ITGA11: variants seen among roughly 807,000 people sequenced by gnomAD.
ITGA11 encodes integrin alpha-11.
In ITGA11, 97 loss-of-function variants were observed where a neutral mutation model predicts 141.9. The observed-to-expected ratio is 0.68, with a 90% CI of 0.58 to 0.81. The LOEUF (loss-of-function observed/expected upper bound fraction) is 0.81, where lower values mean the gene tolerates loss of function less well. ITGA11 is among the 30% of genes least tolerant of loss of function. ITGA11 has a pLI of 0.00. For synonymous variants in ITGA11, 658 were observed against 624.6 expected (o/e 1.05, Z -0.80); for missense variants, 1,387 against 1,559.2 (o/e 0.89, Z 1.86).
intron 10 of ITGA11, among the ~76,000 whole-genome samples, chr15:68,343,520 C>T (rs774029337): frequency 1.4e-4 from 22 of 152,158 alleles, no homozygotes; most frequent in Admixed American, 2.6e-4. Flanking sequence ...CCAGTAGTCA[C>T]GGAATTAGGA....
At chr15:68,388,837 G>T (rs549866813) in intron 2 of ITGA11, among the ~76,000 whole-genome samples, 2 of 152,186 alleles carry the variant, frequency 1.3e-5, no homozygotes, top group East Asian at 3.9e-4. Context: ...CCACTCTCCT[G>T]CTCTAAAACC....
chr15:68,393,565 T>C (rs1227208788), intron 2 of ITGA11, among the ~76,000 whole-genome samples: 1 of 152,176 alleles, frequency 6.6e-6, no homozygotes. Flanking sequence ...TGGAATGACA[T>C]TTTAAAGTGC....
chr15:68,305,428 G>C lies in ITGA11; in HGVS notation c.3382-1543C>G, dbSNP rs993579502. On this transcript the variant is annotated intron_variant, in intron 28 of 29. Transcript: ENST00000315757. This position sits in a 1 kb window ranked among gnomAD's most constrained non-coding sequence, Gnocchi z 4.6. ...TTATTGCCTGCCTGGAATGTCAGCT[G>C]TAGGAGAGTGGGGGCTTTGTCTGTT... Among the ~76,000 whole-genome samples the C allele has an allele frequency of 6.6e-6, 1 of 152,238 alleles. No individual in the cohort carries two copies. Among genetic ancestry groups the C allele is most frequent in the Non-Finnish European group, 1.5e-5 (1 of 68,050 alleles).
chr15:68,328,133 G>A lies in ITGA11; in HGVS notation c.2031C>T (p.Pro677=), dbSNP rs1479249576. The A allele has an allele frequency of 6.2e-7, 1 of 1,613,782 alleles. No homozygotes were observed. Among genetic ancestry groups the A allele is most frequent in the African/African-American group, 1.3e-5 (1 of 74,934 alleles). ...TCLAAFLCFT[P]IFLAPHFQTT... is the part of the protein sequence containing the mutation. ...TTTGGAAATGGGGTGCCAGGAAGAT[G>A]GGCGTGAAGCAGAGGAAGGCGGCCA... The change falls in exon 16 of 30, where the codon CCC becomes CCT. Residue 677 remains proline, a synonymous_variant. Transcript: ENST00000315757. This position sits in a 1 kb window ranked among gnomAD's most constrained non-coding sequence, Gnocchi z 4.8.
At chr15:68,400,300 C>G (rs904606760) in intron 2 of ITGA11, among the ~76,000 whole-genome samples, 3 of 151,502 alleles carry the variant, frequency 2.0e-5, no homozygotes, top group African/African-American at 7.3e-5. Flanking sequence ...AATGACAAAG[C>G]AAAAACATCA....
chr15:68,355,168 C>G (rs1335725837), intron 7 of ITGA11, among the ~76,000 whole-genome samples: 1 of 152,180 alleles, frequency 6.6e-6, no homozygotes, highest in Non-Finnish European at 1.5e-5. Context: ...GGCTGCCTCC[C>G]TTACCCAAGC....
In ITGA11 at chr15:68,331,849, G is replaced by A. The variant is rs1335335309; in HGVS notation, c.1770+10C>T. 6.2e-7 allele frequency: 1 copy of A among 1,607,306 alleles called. No homozygotes were observed. The highest frequency in any genetic ancestry group is 8.5e-7 in the Non-Finnish European group (1 of 1,176,924). On this transcript the variant is annotated intron_variant, in intron 14 of 29. Transcript: ENST00000315757. ...CATTTGCTCCATCCGCTTCCCCAGGGAAGCCTGACCTGCTTAGGTGTCTTC... is the reference window on the plus strand; with the variant it reads ...CATTTGCTCCATCCGCTTCCCCAGGAAAGCCTGACCTGCTTAGGTGTCTTC...
Position 68,335,039 on chromosome 15 carries a change from C to T in ITGA11, c.1425+658G>A. 6.6e-6 allele frequency among the ~76,000 whole-genome samples: 1 copy of T among 152,136 alleles called. No individual in the cohort carries two copies. The highest frequency in any genetic ancestry group is 1.5e-5 in the Non-Finnish European group (1 of 68,026). On this transcript the variant is annotated intron_variant, in intron 12 of 29. Coordinates refer to ENST00000315757, the MANE Select transcript of ITGA11 (RefSeq NM_001004439.2). This position sits in a 1 kb window ranked among gnomAD's most constrained non-coding sequence, Gnocchi z 4.9. ...CAAGGGCAGTCAGAGACTCAGGAGA[C>T]AGGACTGTTCCCAGGCTCAGGAGAG... is the stretch of plus-strand genomic sequence containing the variant.
chr15:68,401,544 G>T lies in ITGA11; in HGVS notation c.164+1374C>A, dbSNP rs1896510686. Among the ~76,000 whole-genome samples the T allele has an allele frequency of 2.0e-5, 3 of 152,270 alleles. No homozygotes were observed. The South Asian group carries it at 6.2e-4, about 32-fold the overall frequency. On this transcript the variant is annotated intron_variant, in intron 2 of 29. Transcript: ENST00000315757. ...CTCATCAATGGAAGCATGAAGTATG[G>T]TTCACTTAACAACAGGTTAAACCTC...
intron 10 of ITGA11, among the ~76,000 whole-genome samples, chr15:68,347,187 C>A (rs1485149800): frequency 6.6e-6 from 1 of 152,204 alleles, no homozygotes; most frequent in South Asian, 2.1e-4. Context: ...ACTCTGCTGG[C>A]CCCCACATGA....
chr15:68,371,280 T>C lies in ITGA11; in HGVS notation c.165-1996A>G, dbSNP rs911811793. ...GGCTCTAAGCTTACTTCTCTGGGGC[T>C]GCTCCAGTTTTCAAGGTTAACCTGA... On this transcript the variant is annotated intron_variant, in intron 2 of 29. Transcript: ENST00000315757. Among the ~76,000 whole-genome samples the C allele has an allele frequency of 9.8e-4, 149 of 152,314 alleles. 1 individual carries two copies. The highest frequency in any genetic ancestry group is 3.3e-3 in the African/African-American group (139 of 41,564).
chr15:68,343,979 G>T (rs1007916555), intron 10 of ITGA11, among the ~76,000 whole-genome samples: 2 of 152,118 alleles, frequency 1.3e-5, no homozygotes, highest in Non-Finnish European at 2.9e-5. Flanking sequence ...AGAAGGGGCC[G>T]CGGGGACCTG....
In ITGA11 at chr15:68,357,283, T is replaced by C. The variant is rs752160491; in HGVS notation, c.617A>G (p.Tyr206Cys). ...AAACTCATGCACCACATCTTCGCCATACTGCACAACTCCAACCTGCAAGGG... is the reference window on the plus strand; with the variant it reads ...AAACTCATGCACCACATCTTCGCCACACTGCACAACTCCAACCTGCAAGGG... The part of the protein sequence containing the change: ...PGQIQVGVVQ[Y>C]GEDVVHEFHL... Residue 206 changes from tyrosine (Y) to cysteine (C), a missense_variant, in exon 7 of 30, where the codon TAT (tyrosine) becomes TGT (cysteine). Transcript: ENST00000315757. 1.4e-5 allele frequency: 23 copies of C among 1,613,610 alleles called. No individual in the cohort carries two copies. The highest frequency in any genetic ancestry group is 1.9e-5 in the Non-Finnish European group (23 of 1,179,772).
intron 10 of ITGA11, among the ~76,000 whole-genome samples, chr15:68,346,366 C>T (rs558464841): frequency 6.6e-6 from 1 of 152,300 alleles, no homozygotes; most frequent in South Asian, 2.1e-4. Context: ...TCAAGCTTCC[C>T]TGAGTCCCTG....
At chr15:68,357,767 C>A (rs540925449) in intron 6 of ITGA11, among the ~76,000 whole-genome samples, 4 of 152,190 alleles carry the variant, frequency 2.6e-5, no homozygotes, top group South Asian at 2.1e-4. Flanking sequence ...GCTTCAAGAC[C>A]TATAGTAGGA....
chr15:68,381,246 CT>C (rs1895854689), intron 2 of ITGA11, among the ~76,000 whole-genome samples: 2 of 152,122 alleles, frequency 1.3e-5, no homozygotes, highest in Admixed American at 6.5e-5. Context: ...TATCTGTATT[CT>C]TTTTGACCTT....
intron 2 of ITGA11, among the ~76,000 whole-genome samples, chr15:68,390,526 A>T (rs1896092603): frequency 6.6e-6 from 1 of 151,966 alleles, no homozygotes; most frequent in Admixed American, 6.5e-5. Flanking sequence ...CCCCTGGGAA[A>T]CTCTTTCAAA....
chr15:68,318,531 G>A (rs1303794128), intron 20 of ITGA11, among the ~76,000 whole-genome samples: 1 of 152,140 alleles, frequency 6.6e-6, no homozygotes, highest in Non-Finnish European at 1.5e-5. Context: ...GAGGGAGTGG[G>A]ATTGGGGCCC....
intron 21 of ITGA11, among the ~76,000 whole-genome samples, chr15:68,316,422 A>G (rs1380723346): frequency 6.6e-6 from 1 of 152,112 alleles, no homozygotes; most frequent in Non-Finnish European, 1.5e-5. Flanking sequence ...CACCCTCACG[A>G]GGTTTCCCAG....
Sources: allele counts gnomAD v4.1 joint callset (sites outside exome capture counted in the v4.1 genomes callset), GRCh38; gene constraint gnomAD v4.1.1; non-coding constraint Gnocchi (gnomAD v3.1); transcripts MANE v1.5; gene names NCBI Gene and HGNC (gene_info 2026-07-23, HGNC 2026-07-21).